Variants in DLG2 observed in about 807,000 individuals in gnomAD.
The protein encoded by DLG2 is discs large MAGUK scaffold protein 2, also known as disks large homolog 2.
DLG2 carries 45 observed loss-of-function variants against 132.5 expected under a neutral mutation model. The observed-to-expected ratio is 0.34, with a 90% CI of 0.27 to 0.44. DLG2 has a LOEUF of 0.44. DLG2 is among the 20% of genes least tolerant of loss of function. The probability of loss-of-function intolerance (pLI) is 1.00; values close to 1 mark genes in which losing one functional copy is unlikely to be tolerated. For missense variants in DLG2, 1,045 were observed against 1,196.9 expected (o/e 0.87, Z 1.87); for synonymous variants, 424 against 419.6 (o/e 1.01, Z -0.13).
At chr11:85,488,798 C>T (rs2093491270) in intron 3 of DLG2, among the ~76,000 whole-genome samples, 1 of 152,034 alleles carries the variant, frequency 6.6e-6, no homozygotes, top group Non-Finnish European at 1.5e-5. Flanking sequence ...CTTTCCCAGA[C>T]AAGGAAATGA....
At chr11:84,774,018 T>C (rs2069918032) in intron 6 of DLG2, among the ~76,000 whole-genome samples, 1 of 152,134 alleles carries the variant, frequency 6.6e-6, no homozygotes, top group South Asian at 2.1e-4. Context: ...GATGATATAA[T>C]TTTATCCCAG....
intron 8 of DLG2, among the ~76,000 whole-genome samples, chr11:84,226,938 T>C (rs1385054243): frequency 6.6e-6 from 1 of 151,666 alleles, no homozygotes; most frequent in Non-Finnish European, 1.5e-5. Context: ...ATACAAAAAT[T>C]AGCTGGGTGT....
chr11:83,850,710 A>G (rs977755257), intron 16 of DLG2, among the ~76,000 whole-genome samples: 1 of 152,212 alleles, frequency 6.6e-6, no homozygotes, highest in Admixed American at 6.5e-5. Context: ...TACTCAGAAG[A>G]ACAGAGCAGA....
At chr11:85,036,415 G>C (rs1199763641) in intron 6 of DLG2, among the ~76,000 whole-genome samples, 1 of 152,104 alleles carries the variant, frequency 6.6e-6, no homozygotes. Flanking sequence ...TTCAACATTG[G>C]ATTATGCCTA....
At chr11:85,063,261 T>C (rs533090992) in intron 6 of DLG2, among the ~76,000 whole-genome samples, 1 of 151,916 alleles carries the variant, frequency 6.6e-6, no homozygotes, top group East Asian at 1.9e-4. Context: ...CTCTGTTGAG[T>C]GTTCTCTAAT....
At chr11:85,157,058 C>A (rs192628534) in intron 4 of DLG2, among the ~76,000 whole-genome samples, 1 of 152,266 alleles carries the variant, frequency 6.6e-6, no homozygotes, top group East Asian at 1.9e-4. Flanking sequence ...GCTGCCAGTG[C>A]AGCTAGGATA....
chr11:84,863,059 A>T (rs141043397), intron 6 of DLG2, among the ~76,000 whole-genome samples: 133 of 152,200 alleles, frequency 8.7e-4, no homozygotes, highest in Admixed American at 5.2e-3. Flanking sequence ...TTTATTAGCC[A>T]GTTCATGTGA....
At chr11:83,888,914 T>G (rs2068807585) in intron 15 of DLG2, among the ~76,000 whole-genome samples, 1 of 152,196 alleles carries the variant, frequency 6.6e-6, no homozygotes, top group African/African-American at 2.4e-5. Flanking sequence ...TGTAGAAAGC[T>G]GAAACTGGAT....
At chr11:85,148,105 A>G (rs984670668) in intron 5 of DLG2, among the ~76,000 whole-genome samples, 1 of 152,146 alleles carries the variant, frequency 6.6e-6, no homozygotes, top group Non-Finnish European at 1.5e-5. Context: ...ATGGTTGCAT[A>G]TTATTCCATG....
chr11:83,830,430 G>A (rs1195954393), intron 17 of DLG2, among the ~76,000 whole-genome samples: 1 of 152,132 alleles, frequency 6.6e-6, no homozygotes, highest in Non-Finnish European at 1.5e-5. Flanking sequence ...ATGGCTTGGT[G>A]GATTTTTTAT....
At chr11:85,038,085 TATGA>T (rs1555348703) in intron 6 of DLG2, among the ~76,000 whole-genome samples, 1 of 152,020 alleles carries the variant, frequency 6.6e-6, no homozygotes, top group Non-Finnish European at 1.5e-5. Context: ...AGAGCCTGCA[TATGA>T]ATGACAAGGA....
intron 6 of DLG2, among the ~76,000 whole-genome samples, chr11:85,059,049 G>A (rs527920738): frequency 8.6e-5 from 13 of 151,426 alleles, no homozygotes; most frequent in East Asian, 5.8e-4. Flanking sequence ...AAAAGTCGCC[G>A]TTAGAAAAAG....
chr11:85,257,351 C>T (rs964227798), intron 4 of DLG2, among the ~76,000 whole-genome samples: 1 of 152,100 alleles, frequency 6.6e-6, no homozygotes, highest in Non-Finnish European at 1.5e-5. Flanking sequence ...CTTAGAAGTA[C>T]CTTTTTCTAT....
chr11:83,842,958 G>A (rs2057934753), intron 16 of DLG2, among the ~76,000 whole-genome samples: 1 of 152,180 alleles, frequency 6.6e-6, no homozygotes, highest in African/African-American at 2.4e-5. Context: ...CATGGTGAGA[G>A]GCTGTATTGG....
chr11:85,348,149 C>T (rs944586948), intron 3 of DLG2, among the ~76,000 whole-genome samples: 3 of 151,358 alleles, frequency 2.0e-5, no homozygotes, highest in African/African-American at 4.9e-5. Flanking sequence ...CCATGCCCAG[C>T]TAATTTTTGT....
At chr11:84,250,617 C>G (rs17159833) in intron 8 of DLG2, among the ~76,000 whole-genome samples, 5,908 of 152,250 alleles carry the variant, frequency 0.039, 185 homozygotes, top group Admixed American at 0.099. Context: ...ACATTGTGGC[C>G]TATAGCTGGT....
intron 6 of DLG2, among the ~76,000 whole-genome samples, chr11:84,577,913 G>A (rs2099506311): frequency 1.3e-5 from 2 of 152,286 alleles, no homozygotes; most frequent in South Asian, 4.1e-4. Context: ...GCCAGGCCCA[G>A]GGTCCCTGTG....
intron 6 of DLG2, among the ~76,000 whole-genome samples, chr11:84,538,700 G>A (rs2099361233): frequency 6.6e-6 from 1 of 151,950 alleles, no homozygotes; most frequent in Middle Eastern, 3.2e-3. Context: ...GATGAAGCTT[G>A]GGATGTAAGG....
intron 3 of DLG2, among the ~76,000 whole-genome samples, chr11:85,400,768 T>A (rs1298527512): frequency 6.7e-6 from 1 of 149,568 alleles, no homozygotes; most frequent in Admixed American, 6.7e-5. Flanking sequence ...AACATCACAC[T>A]CTGGAGACTG....
Sources: gnomAD v4.1 joint callset for allele counts (sites outside exome capture counted in the v4.1 genomes callset) on GRCh38, gnomAD v4.1.1 for gene constraint, MANE v1.5 for transcripts, NCBI Gene and HGNC (gene_info 2026-07-23, HGNC 2026-07-21) for gene names.